Variants in ZKSCAN5 observed in about 807,000 individuals in gnomAD.
The protein encoded by ZKSCAN5 is zinc finger protein with KRAB and SCAN domains 5.
ZKSCAN5 carries 28 observed loss-of-function variants against 60.0 expected under a neutral mutation model. That is an observed-to-expected ratio of 0.47 (90% confidence interval 0.35 to 0.64). The LOEUF (loss-of-function observed/expected upper bound fraction) is 0.64. Ranked by LOEUF, ZKSCAN5 falls within the 30% of genes least tolerant of loss-of-function variation. The pLI is 0.01. For missense variants in ZKSCAN5, 881 were observed against 1,034.6 expected (o/e 0.85, Z 2.04); for synonymous variants, 361 against 371.2 (o/e 0.97, Z 0.31).
chr7:99,526,062 A>T lies in ZKSCAN5; in HGVS notation c.1022A>T (p.His341Leu). The change falls in exon 6 of 7, where the codon CAT becomes CTT. Residue 341 changes from histidine to leucine, a missense_variant. By Grantham distance (99) the His-to-Leu change is moderately conservative. Transcript: ENST00000326775. Reference sequence around the variant, plus strand: ...GACATCAGCCCTAAGCAAAGCACACATGGCGAGAGAGGGCACAGATGCAGC... The same window carrying T: ...GACATCAGCCCTAAGCAAAGCACACTTGGCGAGAGAGGGCACAGATGCAGC... ...ITDISPKQST[H>L]GERGHRCSDC... The T allele has an allele frequency of 6.2e-7, 1 of 1,614,204 alleles. No individual in the cohort carries two copies. The highest frequency in any genetic ancestry group is 8.5e-7 in the Non-Finnish European group (1 of 1,180,036).
intron 3 of ZKSCAN5, among the ~76,000 whole-genome samples, chr7:99,517,638 A>G (rs1018778592): frequency 6.6e-6 from 1 of 152,024 alleles, no homozygotes; most frequent in Non-Finnish European, 1.5e-5. Context: ...CCAAGATTGT[A>G]TCACTACACT....
rs181757664 is a variant in ZKSCAN5 at position 99,511,134 on chromosome 7, G to A, written c.415-1319G>A. Among the ~76,000 whole-genome samples, 700 of 152,316 alleles carry A rather than the reference G, an allele frequency of 4.6e-3. 3 individuals carry two copies. Among genetic ancestry groups the A allele is most frequent in the African/African-American group, 0.016 (657 of 41,574 alleles). ...AGTGCTTTGAAATGTAAGGGAGGGA[G>A]AAAAGGGGAAAGGAACTTACTACAT... is the stretch of plus-strand genomic sequence containing the variant. On this transcript the variant is annotated intron_variant, in intron 2 of 6. Coordinates refer to ENST00000326775, the MANE Select transcript of ZKSCAN5 (RefSeq NM_145102.4).
Position 99,525,997 on chromosome 7 carries a change from G to A in ZKSCAN5, c.957G>A (p.Arg319=). 6.2e-7 allele frequency: 1 copy of A among 1,614,114 alleles called. No homozygotes were observed. Among genetic ancestry groups the A allele is most frequent in the Non-Finnish European group, 8.5e-7 (1 of 1,180,024 alleles). The change falls in exon 6 of 7, where the codon AGG becomes AGA. Residue 319 remains arginine (R), a synonymous_variant. Coordinates refer to ENST00000326775, the MANE Select transcript of ZKSCAN5 (RefSeq NM_145102.4). ...TCAACCCCACTGTGGGGAAATCAAG[G>A]CAGAATCCTTCCCAGAAAAGGGATC... The part of the protein sequence containing the change: ...WQVNPTVGKS[R]QNPSQKRDLD...
chr7:99,518,256 A>G (rs1472609469), intron 3 of ZKSCAN5, among the ~76,000 whole-genome samples: 1 of 151,958 alleles, frequency 6.6e-6, no homozygotes, highest in African/African-American at 2.4e-5. Flanking sequence ...CCCTGTCACT[A>G]CTAAAACTAC....
rs555856894 is a variant in ZKSCAN5, at chr7:99,525,375, G to A, written c.773-438G>A. The stretch of plus-strand genomic sequence containing the variant: ...TAGTCCTAGCTACTTGGGAGGCTGA[G>A]GTGGGAGGATCGCTTGAGCCCAAGA... On this transcript the variant is annotated intron_variant, in intron 5 of 6. Transcript: ENST00000326775. Among the ~76,000 whole-genome samples, 5 of 152,012 alleles carry A rather than the reference G, an allele frequency of 3.3e-5. No individual in the cohort carries two copies. In the South Asian group the frequency reaches 8.3e-4, roughly 25 times the overall value.
At chr7:99,528,342 T>C (rs1478457456) in intron 6 of ZKSCAN5, among the ~76,000 whole-genome samples, 2 of 152,154 alleles carry the variant, frequency 1.3e-5, no homozygotes, top group Non-Finnish European at 2.9e-5. Context: ...TAGTTATCTT[T>C]TGTTTTCTAC....
chr7:99,515,660 C>A (rs987635332), intron 3 of ZKSCAN5, among the ~76,000 whole-genome samples: 2 of 151,858 alleles, frequency 1.3e-5, no homozygotes, highest in African/African-American at 4.8e-5. Context: ...ATGGTGAAAC[C>A]CCATCTCTAC....
At chr7:99,509,928 G>C (rs1282346397) in intron 2 of ZKSCAN5, among the ~76,000 whole-genome samples, 1 of 152,044 alleles carries the variant, frequency 6.6e-6, no homozygotes, top group Non-Finnish European at 1.5e-5. Flanking sequence ...GTGTTCGCTT[G>C]TGGAGGTTTT....
Position 99,525,844 on chromosome 7 carries a change from A to G in ZKSCAN5, c.804A>G (p.Ile268Met), listed in dbSNP as rs2151113510. ...AGTCCAGGGACAATATGGAGCTCATAGTGAAGCAGATTTCTGATGACTCTG... is the reference window on the plus strand; with the variant it reads ...AGTCCAGGGACAATATGGAGCTCATGGTGAAGCAGATTTCTGATGACTCTG... ...GYESRDNMEL[I>M]VKQISDDSES... Residue 268 changes from isoleucine to methionine, a missense_variant, in exon 6 of 7, where the codon ATA becomes ATG. By Grantham distance (10) the Ile-to-Met change is conservative. Around this residue, in one of 5 missense-constraint regions of ZKSCAN5, gnomAD observed 490 missense variants for 554.5 expected, o/e 0.88. Coordinates refer to ENST00000326775, the MANE Select transcript of ZKSCAN5 (RefSeq NM_145102.4). 1 of 1,613,568 alleles carries G rather than the reference A, an allele frequency of 6.2e-7. No homozygotes were observed. Among genetic ancestry groups the G allele is most frequent in the Non-Finnish European group, 8.5e-7 (1 of 1,179,614 alleles).
At chr7:99,512,722 G>T (rs1584173688) in intron 3 of ZKSCAN5, 131 bp downstream of exon 3, 1 of 1,209,548 alleles carries the variant, frequency 8.3e-7, no homozygotes, top group South Asian at 2.2e-5. Context: ...TCTAGAAGCA[G>T]GGAAAGGCCA....
At position 99,534,685 on chromosome 7, in the gene ZKSCAN5, A is replaced by G. The variant is rs1181617110; in HGVS notation, c.*2436A>G. Reference sequence around the variant, plus strand: ...AGAGCGACAGTGTCTAAAAAAAAAAAAAAAAAAAAAAAAAACATTTTTTGG... The same window carrying G: ...AGAGCGACAGTGTCTAAAAAAAAAAGAAAAAAAAAAAAAAACATTTTTTGG... On this transcript the variant is annotated 3_prime_UTR_variant, in exon 7 of 7. Coordinates refer to ENST00000326775, the MANE Select transcript of ZKSCAN5 (RefSeq NM_145102.4). The G allele has an allele frequency of 5.9e-5, 9 of 151,880 alleles. No individual in the cohort carries two copies. Among genetic ancestry groups the G allele is most frequent in the Non-Finnish European group, 1.3e-4 (9 of 68,048 alleles). The allele number at this position is 151,880 out of a possible 1,614,324, so 9.4% of individuals were successfully genotyped here.
At position 99,512,453 on chromosome 7, in the gene ZKSCAN5, A is replaced by G. The variant is rs773685870; in HGVS notation, c.415A>G (p.Ile139Val). The change falls in exon 3 of 7, where the codon ATT (isoleucine) becomes GTT (valine). Residue 139 changes from isoleucine (I) to valine (V), a missense_variant and splice_region_variant. Transcript: ENST00000326775. ...GATCGGTTTTGGTTGTGGTTGTTAGATTGTTGCCTGCCCTGATGTGCTTCC... is the reference window on the plus strand; with the variant it reads ...GATCGGTTTTGGTTGTGGTTGTTAGGTTGTTGCCTGCCCTGATGTGCTTCC... ...QRELEERRQQIVACPDVLPRK... is the reference protein window; with the variant it reads ...QRELEERRQQVVACPDVLPRK... 2 of 1,613,266 alleles carry G rather than the reference A, an allele frequency of 1.2e-6. No individual in the cohort carries two copies. The highest frequency in any genetic ancestry group is 1.3e-5 in the African/African-American group (1 of 75,012).
chr7:99,510,179 C>T (rs1800952586), intron 2 of ZKSCAN5, among the ~76,000 whole-genome samples: 1 of 152,024 alleles, frequency 6.6e-6, no homozygotes, highest in Non-Finnish European at 1.5e-5. Context: ...AGGGATCCTC[C>T]TGCGTTGGCC....
chr7:99,532,323 A>G lies in ZKSCAN5; in HGVS notation c.*74A>G, dbSNP rs1271579682. 1.4e-6 allele frequency: 2 copies of G among 1,418,642 alleles called. No homozygotes were observed. Among genetic ancestry groups the G allele is most frequent in the African/African-American group, 1.4e-5 (1 of 69,952 alleles). The allele number at this position is 1,418,642 out of a possible 1,614,324, so 87.9% of individuals were successfully genotyped here. A position where few individuals can be genotyped will look rare whatever the true frequency, so the allele number is the denominator to read the frequency against. On this transcript the variant is annotated 3_prime_UTR_variant, in exon 7 of 7. Coordinates refer to ENST00000326775, the MANE Select transcript of ZKSCAN5 (RefSeq NM_145102.4). ...TATAATGAGCAAAGTAACAACTTCAAGCATTTTTCCAGCGTTACCATCAAA... is the reference window on the plus strand; with the variant it reads ...TATAATGAGCAAAGTAACAACTTCAGGCATTTTTCCAGCGTTACCATCAAA...
At position 99,526,211 on chromosome 7, in the gene ZKSCAN5, C is replaced by G; in HGVS notation, c.1171C>G (p.Gln391Glu). ...CTACAATCAGCGGGTGCACCTCACC[C>G]AGCACCAGCGCGTCCACACAGGGGA... ...KSYNQRVHLT[Q>E]HQRVHTGEKP... is the part of the protein sequence containing the mutation. The change falls in exon 6 of 7, where the codon CAG becomes GAG. Residue 391 changes from glutamine (Q) to glutamate (E), a missense_variant. Gln to Glu is a conservative substitution (Grantham distance 29). This residue lies in a region of ZKSCAN5 where 490 missense variants were observed against 554.5 expected (regional missense o/e 0.88). Transcript: ENST00000326775. 6.2e-7 allele frequency: 1 copy of G among 1,614,194 alleles called. No homozygotes were observed. Among genetic ancestry groups the G allele is most frequent in the Non-Finnish European group, 8.5e-7 (1 of 1,180,040 alleles).
chr7:99,519,660 CAG>C lies in ZKSCAN5; in HGVS notation c.554-164_554-163del, dbSNP rs1801430758. 2.6e-5 allele frequency among the ~76,000 whole-genome samples: 4 copies of C among 152,228 alleles called. No individual in the cohort carries two copies. In the South Asian group the frequency reaches 8.3e-4, roughly 32 times the overall value. ...AGTCTAGGGTAAAGGAGGAATAAAA[CAG>C]AGTGTGAGAGGATCCAGAAATTAGA... is the stretch of plus-strand genomic sequence containing the variant. On this transcript the variant is annotated intron_variant, in intron 3 of 6. Transcript: ENST00000326775.
At chr7:99,505,800 CTTA>C (rs1335571127) in intron 1 of ZKSCAN5, 1 of 406,824 alleles carries the variant, frequency 2.5e-6, no homozygotes. Context: ...GGGGTTATTC[CTTA>C]TTATCATTTT....
chr7:99,505,218 A>C (rs577273024), intron 1 of ZKSCAN5: 37 of 150,306 alleles, frequency 2.5e-4, no homozygotes, highest in African/African-American at 9.2e-4. Context: ...GGGGGGTGGG[A>C]TCTAACGGTT....
chr7:99,521,259 G>T (rs941097421), intron 5 of ZKSCAN5, among the ~76,000 whole-genome samples: 1 of 152,050 alleles, frequency 6.6e-6, no homozygotes, highest in Non-Finnish European at 1.5e-5. Context: ...GTACAATGGC[G>T]CAATCTCAGC....
Sources: allele counts gnomAD v4.1 joint callset (sites outside exome capture counted in the v4.1 genomes callset), GRCh38; gene constraint gnomAD v4.1.1; regional missense constraint gnomAD v4.1.1; transcripts MANE v1.5; gene names NCBI Gene and HGNC (gene_info 2026-07-23, HGNC 2026-07-21).